Variants in PARD3 observed in about 807,000 individuals in gnomAD.
The protein encoded by PARD3 is partitioning defective 3 homolog.
A neutral mutation model predicts 155.4 loss-of-function variants in PARD3; 75 were observed. The ratio of observed to expected loss-of-function variants is 0.48; its 90% confidence interval spans 0.40 to 0.58. PARD3 has a LOEUF of 0.58. Among genes scored for constraint, PARD3 ranks in the 20% least tolerant of loss-of-function variants. The probability of loss-of-function intolerance (pLI) is 0.00; values close to 1 mark genes in which losing one functional copy is unlikely to be tolerated. For missense variants in PARD3, 1,642 were observed against 1,721.7 expected (o/e 0.95, Z 0.82); for synonymous variants, 576 against 610.5 (o/e 0.94, Z 0.83).
At chr10:34,777,971 A>G (rs1232991575) in intron 1 of PARD3, among the ~76,000 whole-genome samples, 1 of 152,116 alleles carries the variant, frequency 6.6e-6, no homozygotes, top group Non-Finnish European at 1.5e-5. Context: ...TTACCACCAC[A>G]TCCACGGCTC....
intron 2 of PARD3, among the ~76,000 whole-genome samples, chr10:34,595,773 T>C (rs2089195023): frequency 6.6e-6 from 1 of 152,196 alleles, no homozygotes. Flanking sequence ...AAAAACACTC[T>C]GTCACAGTTT....
intron 2 of PARD3, among the ~76,000 whole-genome samples, chr10:34,695,919 TCA>T (rs1221376765): frequency 6.6e-6 from 1 of 152,206 alleles, no homozygotes; most frequent in Non-Finnish European, 1.5e-5. Flanking sequence ...ATGGATCTTC[TCA>T]GGGCCAACGC....
chr10:34,520,429 T>A (rs1430850265), intron 2 of PARD3, among the ~76,000 whole-genome samples: 7 of 151,872 alleles, frequency 4.6e-5, no homozygotes, highest in Non-Finnish European at 8.8e-5. Flanking sequence ...AAGTCCTTAA[T>A]AGTTACAAAA....
At chr10:34,278,875 GAAT>G (rs1956020452) in intron 21 of PARD3, among the ~76,000 whole-genome samples, 1 of 152,054 alleles carries the variant, frequency 6.6e-6, no homozygotes, top group African/African-American at 2.4e-5. Flanking sequence ...TAAAACACTA[GAAT>G]AATATTTCCC....
chr10:34,201,603 T>G (rs1291982029), intron 22 of PARD3, among the ~76,000 whole-genome samples: 2 of 152,202 alleles, frequency 1.3e-5, no homozygotes, highest in Non-Finnish European at 2.9e-5. Flanking sequence ...TTTTAAAATT[T>G]TATCTTTAAA....
intron 5 of PARD3, among the ~76,000 whole-genome samples, chr10:34,441,143 AC>A (rs2076441477): frequency 1.3e-5 from 2 of 152,140 alleles, no homozygotes; most frequent in South Asian, 4.1e-4. Context: ...AAAATAAACC[AC>A]CCCAGCATAC....
intron 1 of PARD3, among the ~76,000 whole-genome samples, chr10:34,768,903 T>A (rs956773250): frequency 6.6e-6 from 1 of 152,082 alleles, no homozygotes; most frequent in African/African-American, 2.4e-5. Flanking sequence ...AATATCCAGT[T>A]CCCAGCGCCG....
intron 5 of PARD3, among the ~76,000 whole-genome samples, chr10:34,418,585 C>A (rs553772164): frequency 1.7e-4 from 26 of 152,272 alleles, no homozygotes; most frequent in African/African-American, 5.8e-4. Flanking sequence ...AACTACAGGT[C>A]TACTTCAATA....
intron 7 of PARD3, among the ~76,000 whole-genome samples, chr10:34,388,256 T>C (rs1034930241): frequency 6.6e-6 from 1 of 152,150 alleles, no homozygotes; most frequent in Non-Finnish European, 1.5e-5. Flanking sequence ...TCAAAAAGAA[T>C]GGATTAATTT....
At chr10:34,753,585 T>C (rs1216699492) in intron 1 of PARD3, among the ~76,000 whole-genome samples, 2 of 152,192 alleles carry the variant, frequency 1.3e-5, no homozygotes, top group Non-Finnish European at 2.9e-5. Flanking sequence ...AACCACCCAG[T>C]GGGATAAAAA....
At chr10:34,580,862 G>A (rs571084564) in intron 2 of PARD3, among the ~76,000 whole-genome samples, 33 of 152,324 alleles carry the variant, frequency 2.2e-4, no homozygotes, top group South Asian at 1.2e-3. Context: ...ACAAGGAAAT[G>A]TGTACTATTT....
chr10:34,706,800 G>T (rs1413869042), intron 1 of PARD3, among the ~76,000 whole-genome samples: 3 of 151,618 alleles, frequency 2.0e-5, no homozygotes, highest in African/African-American at 7.3e-5. Context: ...AAAAAGACGA[G>T]ATCCATAAAG....
intron 1 of PARD3, among the ~76,000 whole-genome samples, chr10:34,746,932 G>A (rs1214484182): frequency 6.6e-6 from 1 of 152,178 alleles, no homozygotes; most frequent in Non-Finnish European, 1.5e-5. Context: ...GGACACCCAG[G>A]CTGCCGGGGT....
intron 22 of PARD3, among the ~76,000 whole-genome samples, chr10:34,213,665 A>C (rs1306284346): frequency 6.6e-6 from 1 of 152,184 alleles, no homozygotes; most frequent in South Asian, 2.1e-4. Context: ...GAGGCCTTCA[A>C]AGGGCTCTCA....
chr10:34,314,460 T>C (rs963812739), intron 20 of PARD3, among the ~76,000 whole-genome samples: 22 of 152,298 alleles, frequency 1.4e-4, no homozygotes, highest in African/African-American at 4.6e-4. Context: ...TGGCAACCCA[T>C]TGGGAAAGGG....
intron 22 of PARD3, 37 bp from the exon 23 acceptor site, chr10:34,131,620 G>C (rs757241157): frequency 1.2e-6 from 2 of 1,600,644 alleles, no homozygotes; most frequent in Non-Finnish European, 1.7e-6. Flanking sequence ...ATACCCTTCA[G>C]AAATATTATC....
At position 34,251,356 on chromosome 10, in the gene PARD3, T is replaced by C. The variant is rs555919905; in HGVS notation, c.3419+18301A>G. Among the ~76,000 whole-genome samples, 12 of 152,328 alleles carry C rather than the reference T, an allele frequency of 7.9e-5. No homozygotes were observed. The South Asian group carries it at 2.5e-3, about 32-fold the overall frequency. ...ACAAAGACGACGGTGATGGTAGTGG[T>C]GGCATCATACGAACAATAGCAACTA... On this transcript the variant is annotated intron_variant, in intron 22 of 24. Transcript: ENST00000374788.
intron 4 of PARD3, among the ~76,000 whole-genome samples, chr10:34,466,322 T>C (rs1244452958): frequency 6.6e-6 from 1 of 152,104 alleles, no homozygotes; most frequent in Non-Finnish European, 1.5e-5. Context: ...AAGCTAATAG[T>C]GGAATGAGAT....
At chr10:34,384,461 A>G (rs1842148581) in intron 7 of PARD3, among the ~76,000 whole-genome samples, 1 of 152,222 alleles carries the variant, frequency 6.6e-6, no homozygotes, top group African/African-American at 2.4e-5. Flanking sequence ...AATGTAAAAA[A>G]TCAGTTTCTG....
Sources: gnomAD v4.1 joint callset for allele counts (sites outside exome capture counted in the v4.1 genomes callset) on GRCh38, gnomAD v4.1.1 for gene constraint, MANE v1.5 for transcripts, NCBI Gene and HGNC (gene_info 2026-07-23, HGNC 2026-07-21) for gene names.